Variants in XPO4 observed in about 807,000 individuals in gnomAD.
The protein encoded by XPO4 is exportin-4.
A neutral mutation model predicts 143.0 loss-of-function variants in XPO4; 39 were observed. The observed-to-expected ratio is 0.27, with a 90% CI of 0.21 to 0.36. The LOEUF is 0.36. Among genes scored for constraint, XPO4 ranks in the 10% least tolerant of loss-of-function variants. The pLI, the probability that XPO4 is intolerant of heterozygous loss-of-function variation, is 1.00. For synonymous variants in XPO4, 439 were observed against 474.0 expected, an observed-to-expected ratio of 0.93 and a Z score of 0.96; for missense variants, 907 against 1,348.0, an observed-to-expected ratio of 0.67 and a Z score of 5.12.
At chr13:20,865,021 GA>G (rs1478442151) in intron 2 of XPO4, among the ~76,000 whole-genome samples, 3 of 152,028 alleles carry the variant, frequency 2.0e-5, no homozygotes, top group African/African-American at 7.2e-5. Context: ...AGGTACTCTC[GA>G]AGCCTACCAG....
At chr13:20,858,202 T>C (rs2060162516) in intron 3 of XPO4, among the ~76,000 whole-genome samples, 1 of 151,590 alleles carries the variant, frequency 6.6e-6, no homozygotes, top group African/African-American at 2.4e-5. Context: ...CAAATATTAA[T>C]AGATCTGAAG....
At chr13:20,821,382 G>C (rs2059718087) in intron 9 of XPO4, among the ~76,000 whole-genome samples, 1 of 151,050 alleles carries the variant, frequency 6.6e-6, no homozygotes, top group Admixed American at 6.6e-5. Context: ...TTTGCTGTTA[G>C]AAAGAGCCTT....
intron 21 of XPO4, 87 bp downstream of exon 21, chr13:20,787,394 C>A: frequency 8.0e-7 from 1 of 1,255,970 alleles, no homozygotes; most frequent in Non-Finnish European, 1.2e-6. Flanking sequence ...AGAATGGAAG[C>A]ATTTCCTCAT....
chr13:20,792,948 C>T (rs1349799998), intron 18 of XPO4, among the ~76,000 whole-genome samples: 2 of 151,554 alleles, frequency 1.3e-5, no homozygotes, highest in African/African-American at 2.4e-5. Context: ...CCACCATGCC[C>T]GGCTAATTTT....
At chr13:20,812,267 A>T (rs2059592054) in intron 9 of XPO4, among the ~76,000 whole-genome samples, 1 of 152,160 alleles carries the variant, frequency 6.6e-6, no homozygotes. Context: ...GCTACTTGGG[A>T]GGCTGAAGCA....
At chr13:20,821,994 G>T in intron 8 of XPO4, 116 bp from the exon 9 acceptor site, 1 of 1,364,438 alleles carries the variant, frequency 7.3e-7, no homozygotes, top group Non-Finnish European at 9.8e-7. Context: ...GTATGTCTCT[G>T]TTTATTAATT....
intron 6 of XPO4, among the ~76,000 whole-genome samples, chr13:20,828,001 G>A (rs2059805291): frequency 1.3e-5 from 2 of 152,190 alleles, no homozygotes; most frequent in Admixed American, 6.5e-5. Flanking sequence ...ATTTTGGGAG[G>A]CCAAGGCAGG....
intron 1 of XPO4, among the ~76,000 whole-genome samples, chr13:20,895,687 C>A (rs1476825316): frequency 2.0e-5 from 3 of 151,540 alleles, no homozygotes; most frequent in African/African-American, 7.3e-5. Context: ...TATGCATATA[C>A]AAATATATAC....
rs988867859 is a variant in XPO4, at chr13:20,796,211, C to G, written c.2662G>C (p.Val888Leu). The change falls in exon 18 of 23, where the codon GTG becomes CTG. Residue 888 changes from valine (V) to leucine (L), a missense_variant. By Grantham distance (32) the Val-to-Leu change is conservative. Coordinates refer to ENST00000255305, the MANE Select transcript of XPO4 (RefSeq NM_022459.5). ...LYEACLTLLQ[V>L]YSKNNLGRQR... ...CGCCCTAAATTATTCTTAGAATACA[C>G]TTGCAACAAAGTAAGGCAGGCTTCA... The G allele has an allele frequency of 2.5e-6, 4 of 1,612,228 alleles. No homozygotes were observed.
intron 6 of XPO4, among the ~76,000 whole-genome samples, chr13:20,838,532 C>T (rs755358979): frequency 1.5e-4 from 22 of 149,534 alleles, no homozygotes; most frequent in Non-Finnish European, 3.2e-4. Flanking sequence ...ATGGCGTGAA[C>T]CTGGGAGGTG....
chr13:20,848,156 C>G (rs1206375966), intron 4 of XPO4: 1 of 842,798 alleles, frequency 1.2e-6, no homozygotes, highest in African/African-American at 1.8e-5. Flanking sequence ...TTGACTGCCA[C>G]TAACAGGTAG....
chr13:20,826,583 T>C (rs1261142253), intron 7 of XPO4, among the ~76,000 whole-genome samples: 1 of 152,262 alleles, frequency 6.6e-6, no homozygotes, highest in Non-Finnish European at 1.5e-5. Flanking sequence ...GACTGTCTTC[T>C]ATTAAGTCTG....
chr13:20,841,883 C>A (rs1459315338), intron 6 of XPO4, among the ~76,000 whole-genome samples: 3 of 151,432 alleles, frequency 2.0e-5, no homozygotes, highest in Non-Finnish European at 4.4e-5. Context: ...TATCATCAGT[C>A]TTTTTCTCCT....
chr13:20,827,034 C>T, intron 7 of XPO4, 33 bp downstream of exon 7: 1 of 1,459,140 alleles, frequency 6.9e-7, no homozygotes, highest in South Asian at 1.1e-5. Context: ...TTTTCTATGG[C>T]TCTTGCTACC....
At chr13:20,822,109 C>A in intron 8 of XPO4, 23 bp downstream of exon 8, 3 of 1,575,674 alleles carry the variant, frequency 1.9e-6, no homozygotes, top group South Asian at 2.4e-5. Context: ...CCTTTTTCAG[C>A]TGCAAAGGGC....
At chr13:20,864,237 AG>A (rs1223605727) in intron 2 of XPO4, among the ~76,000 whole-genome samples, 1 of 151,980 alleles carries the variant, frequency 6.6e-6, no homozygotes, top group African/African-American at 2.4e-5. Flanking sequence ...TTAAAAAAAA[AG>A]GGGGACCCAG....
chr13:20,809,547 T>C (rs536639521), intron 10 of XPO4, among the ~76,000 whole-genome samples: 4 of 152,260 alleles, frequency 2.6e-5, no homozygotes, highest in East Asian at 1.9e-4. Context: ...CAGACATCCA[T>C]GGCCCAAATT....
rs544355488 is a variant in XPO4 at position 20,900,560 on chromosome 13, C to T, written c.69+2110G>A. On this transcript the variant is annotated intron_variant, in intron 1 of 22. Coordinates refer to ENST00000255305, the MANE Select transcript of XPO4 (RefSeq NM_022459.5). Reference sequence around the variant, plus strand: ...AAGAAATAATACAATAACTACTCTACACATCTTTGGTACAAATTTCTGAAT... The same window carrying T: ...AAGAAATAATACAATAACTACTCTATACATCTTTGGTACAAATTTCTGAAT... Among the ~76,000 whole-genome samples the T allele has an allele frequency of 3.6e-4, 55 of 152,010 alleles. 1 individual carries two copies. The highest frequency in any genetic ancestry group is 3.6e-3 in the Admixed American group (55 of 15,246).
chr13:20,821,627 G>T, intron 9 of XPO4, 77 bp downstream of exon 9: 1 of 1,447,524 alleles, frequency 6.9e-7, no homozygotes, highest in East Asian at 2.4e-5. Flanking sequence ...ATAATTACTT[G>T]TCATGAGAAA....
Sources: gnomAD v4.1 joint callset for allele counts (sites outside exome capture counted in the v4.1 genomes callset) on GRCh38, gnomAD v4.1.1 for gene constraint, MANE v1.5 for transcripts, NCBI Gene and HGNC (gene_info 2026-07-23, HGNC 2026-07-21) for gene names.